SIPA1L1: variants seen among roughly 807,000 people sequenced by gnomAD.
SIPA1L1 encodes the protein signal induced proliferation associated 1 like 1, also known as signal-induced proliferation-associated 1-like protein 1.
Under a neutral mutation model 162.7 loss-of-function variants are expected in SIPA1L1, and 26 were observed. The ratio of observed to expected loss-of-function variants is 0.16; its 90% CI spans 0.12 to 0.22. The LOEUF is 0.22. Ranked by LOEUF, SIPA1L1 falls within the 10% of genes least tolerant of loss-of-function variation. SIPA1L1 has a pLI of 1.00. For missense variants in SIPA1L1, 1,874 were observed against 2,241.0 expected (o/e 0.84, Z 3.31); for synonymous variants, 829 against 837.4 (o/e 0.99, Z 0.17).
chr14:71,330,246 A>C, intron 2 of SIPA1L1: 2 of 672,414 alleles, frequency 3.0e-6, no homozygotes, highest in Non-Finnish European at 5.5e-6. Flanking sequence ...CCACTATTCC[A>C]GGGAGGGGCT....
chr14:71,559,459 A>G (rs1405970501), intron 4 of SIPA1L1, among the ~76,000 whole-genome samples: 1 of 152,180 alleles, frequency 6.6e-6, no homozygotes, highest in African/African-American at 2.4e-5. Flanking sequence ...TCCCCTGCCC[A>G]GTGGCATTGG....
intron 2 of SIPA1L1, among the ~76,000 whole-genome samples, chr14:71,459,243 C>G (rs2046408171): frequency 6.6e-6 from 1 of 152,098 alleles, no homozygotes; most frequent in Non-Finnish European, 1.5e-5. Context: ...GTGGCGGGAA[C>G]ATACTACAGA....
chr14:71,614,741 T>C (rs993238843), intron 5 of SIPA1L1, among the ~76,000 whole-genome samples: 1 of 152,210 alleles, frequency 6.6e-6, no homozygotes, highest in Non-Finnish European at 1.5e-5. Flanking sequence ...TTCAGAAATA[T>C]ACTTCATTAG....
chr14:71,434,570 C>T (rs754290328), intron 2 of SIPA1L1, among the ~76,000 whole-genome samples: 16 of 152,174 alleles, frequency 1.1e-4, no homozygotes, highest in South Asian at 2.1e-4. Flanking sequence ...TTCATTTATA[C>T]GTATGCTCTT....
At chr14:71,398,915 A>G (rs1237932558) in intron 2 of SIPA1L1, among the ~76,000 whole-genome samples, 1 of 152,246 alleles carries the variant, frequency 6.6e-6, no homozygotes, top group Non-Finnish European at 1.5e-5. Context: ...TCAGAACCTT[A>G]TACCCAATAG....
Position 71,446,912 on chromosome 14 carries a change from T to TTG in SIPA1L1, c.-464-65830_-464-65829insGT, listed in dbSNP as rs1025418164. On this transcript the variant is annotated intron_variant, in intron 2 of 23. Transcript: ENST00000381232. Reference sequence around the variant, plus strand: ...GGGCTCTGTTTTTTTTTTTGTTTTTTTTTTTTTTTTTTTTTTTGAGACAGG... The same window carrying TTG: ...GGGCTCTGTTTTTTTTTTTGTTTTTTTGTTTTTTTTTTTTTTTTTGAGACAGG... Among the ~76,000 whole-genome samples, 19 of 127,824 alleles carry TTG rather than the reference T, an allele frequency of 1.5e-4. No homozygotes were observed. The East Asian group carries it at 2.9e-3, about 19-fold the overall frequency. The allele number at this position is 127,824 out of a possible 152,430, so 83.9% of individuals were successfully genotyped here.
chr14:71,622,965 C>T (rs1050090228), intron 6 of SIPA1L1, among the ~76,000 whole-genome samples: 4 of 152,144 alleles, frequency 2.6e-5, no homozygotes, highest in African/African-American at 9.7e-5. Flanking sequence ...CCTTTTTTCC[C>T]AATCTCCATA....
At chr14:71,321,971 A>G (rs1453279507) in intron 2 of SIPA1L1, among the ~76,000 whole-genome samples, 1 of 152,196 alleles carries the variant, frequency 6.6e-6, no homozygotes, top group Non-Finnish European at 1.5e-5. Flanking sequence ...TTGGGGATTG[A>G]TGGCTCCTAG....
chr14:71,516,201 ATGT>A (rs1249320754), intron 3 of SIPA1L1, among the ~76,000 whole-genome samples: 1 of 152,008 alleles, frequency 6.6e-6, no homozygotes, highest in Non-Finnish European at 1.5e-5. Flanking sequence ...TGCTCATGTG[ATGT>A]TGTTTTTGGT....
At chr14:71,446,894 G>GGT (rs2045394010) in intron 2 of SIPA1L1, among the ~76,000 whole-genome samples, 4 of 87,406 alleles carry the variant, frequency 4.6e-5, no homozygotes, top group African/African-American at 1.7e-4. Flanking sequence ...GATGGGCTCT[G>GGT]TTTTTTTTTT....
rs1596812782 is a variant in SIPA1L1 at position 71,671,356 on chromosome 14, G to A, written c.2493G>A (p.Lys831=). Residue 831 remains lysine, a synonymous_variant, in exon 11 of 24, where the codon AAG becomes AAA. Transcript: ENST00000381232. ...ACACCCCTATCGACCCTTCTGGCAA[G>A]TTTCCGTTCATCTCTCTGGCTTCCA... is the stretch of plus-strand genomic sequence containing the variant. ...VTNTPIDPSG[K]FPFISLASKK... is the part of the protein sequence containing the mutation. 2.5e-6 allele frequency: 4 copies of A among 1,614,180 alleles called. No individual in the cohort carries two copies. The highest frequency in any genetic ancestry group is 3.4e-6 in the Non-Finnish European group (4 of 1,180,028).
chr14:71,704,649 C>G, intron 15 of SIPA1L1: 2 of 1,124,072 alleles, frequency 1.8e-6, no homozygotes. Flanking sequence ...TCTTGAACGC[C>G]AGCTTGGAGT....
chr14:71,585,013 C>T lies in SIPA1L1; in HGVS notation c.-302-2558C>T, dbSNP rs191505529. Among the ~76,000 whole-genome samples, 16 of 152,160 alleles carry T rather than the reference C, an allele frequency of 1.1e-4. No individual in the cohort carries two copies. In the East Asian group the frequency reaches 2.3e-3, roughly 22 times the overall value. ...TGATCTGTCATCATATGATACACAT[C>T]GATGGACAGCATTATTTTTGACTGG... On this transcript the variant is annotated intron_variant, in intron 4 of 23. Transcript: ENST00000381232.
intron 4 of SIPA1L1, among the ~76,000 whole-genome samples, chr14:71,566,846 T>C (rs1413569416): frequency 2.0e-5 from 3 of 152,160 alleles, no homozygotes; most frequent in African/African-American, 7.2e-5. Flanking sequence ...CAAATACAGA[T>C]ATATAAAAAA....
chr14:71,533,111 T>C (rs968019389), intron 4 of SIPA1L1, among the ~76,000 whole-genome samples: 3 of 152,228 alleles, frequency 2.0e-5, no homozygotes, highest in South Asian at 2.1e-4. Flanking sequence ...CGTAGACTTA[T>C]TGAGACCTGT....
At chr14:71,448,366 A>G (rs770980444) in intron 2 of SIPA1L1, among the ~76,000 whole-genome samples, 3 of 152,122 alleles carry the variant, frequency 2.0e-5, no homozygotes, top group Non-Finnish European at 4.4e-5. Flanking sequence ...CCTCAGTCCT[A>G]TGGAGTAGGT....
intron 7 of SIPA1L1, among the ~76,000 whole-genome samples, chr14:71,632,666 A>G (rs2040699918): frequency 6.6e-6 from 1 of 152,156 alleles, no homozygotes; most frequent in Non-Finnish European, 1.5e-5. Flanking sequence ...CTTCTTACCA[A>G]AGTGTCAGTG....
intron 13 of SIPA1L1, among the ~76,000 whole-genome samples, chr14:71,689,991 T>C (rs568344373): frequency 9.8e-5 from 15 of 152,344 alleles, no homozygotes; most frequent in African/African-American, 3.1e-4. Flanking sequence ...TGTTATATCA[T>C]ACAGGATCTA....
chr14:71,536,279 A>G lies in SIPA1L1; in HGVS notation c.-303+6909A>G, dbSNP rs891636647. On this transcript the variant is annotated intron_variant, in intron 4 of 23. Transcript: ENST00000381232. Reference sequence around the variant, plus strand: ...TTGGTTTCCTTCTCTGATGCTCAGGATAACTTAGTATGCCACAACCCTCTT... The same window carrying G: ...TTGGTTTCCTTCTCTGATGCTCAGGGTAACTTAGTATGCCACAACCCTCTT... Among the ~76,000 whole-genome samples, 33 of 152,298 alleles carry G rather than the reference A, an allele frequency of 2.2e-4. 1 individual carries two copies. The highest frequency in any genetic ancestry group is 6.3e-4 in the African/African-American group (26 of 41,566).
Sources: gnomAD v4.1 joint callset for allele counts (sites outside exome capture counted in the v4.1 genomes callset) on GRCh38, gnomAD v4.1.1 for gene constraint, MANE v1.5 for transcripts, NCBI Gene and HGNC (gene_info 2026-07-23, HGNC 2026-07-21) for gene names.